The following TPST1 variants were observed in gnomAD, a reference collection of about 807,000 sequenced individuals.
The protein encoded by TPST1 is protein-tyrosine sulfotransferase 1.
A neutral mutation model predicts 34.8 loss-of-function variants in TPST1; 20 were observed. The ratio of observed to expected loss-of-function variants is 0.57; its 90% CI spans 0.40 to 0.84. The LOEUF is 0.84. Among genes scored for constraint, TPST1 ranks in the 40% least tolerant of loss-of-function variants. The probability of loss-of-function intolerance (pLI) is 0.00; values close to 1 mark genes in which losing one functional copy is unlikely to be tolerated. For missense variants in TPST1, 353 were observed against 455.5 expected (o/e 0.78, Z 2.05); for synonymous variants, 152 against 159.4 (o/e 0.95, Z 0.35).
rs147568367 is a variant in TPST1, at chr7:66,353,127, C to T, written c.1095+572C>T. Reference sequence around the variant, plus strand: ...GTCGGGAGTTCAAGACCAGCATGGCCAACATGGTGAAACCTCATCTCTACT... The same window carrying T: ...GTCGGGAGTTCAAGACCAGCATGGCTAACATGGTGAAACCTCATCTCTACT... On this transcript the variant is annotated intron_variant, in intron 4 of 5. Coordinates refer to ENST00000304842, the MANE Select transcript of TPST1 (RefSeq NM_003596.4). Among the ~76,000 whole-genome samples the T allele has an allele frequency of 5.4e-3, 820 of 152,200 alleles. 7 individuals carry two copies. Among genetic ancestry groups the T allele is most frequent in the African/African-American group, 0.018 (757 of 41,512 alleles).
intron 3 of TPST1, among the ~76,000 whole-genome samples, chr7:66,310,597 G>T (rs921589530): frequency 1.3e-5 from 2 of 152,054 alleles, no homozygotes; most frequent in African/African-American, 2.4e-5. Flanking sequence ...AGGGGTTGAG[G>T]TCCTGGTTCT....
intron 1 of TPST1, among the ~76,000 whole-genome samples, chr7:66,209,117 A>G (rs969966499): frequency 6.6e-6 from 1 of 152,108 alleles, no homozygotes; most frequent in African/African-American, 2.4e-5. Flanking sequence ...TACTAAAAAT[A>G]CAAAAATTAG....
intron 2 of TPST1, among the ~76,000 whole-genome samples, chr7:66,258,536 T>G (rs1487687868): frequency 6.6e-6 from 1 of 152,238 alleles, no homozygotes; most frequent in Non-Finnish European, 1.5e-5. Context: ...GAAGTTGTGC[T>G]GGTTCATGTG....
chr7:66,337,299 A>ATTTTTT (rs749288846), intron 3 of TPST1, among the ~76,000 whole-genome samples: 7 of 107,722 alleles, frequency 6.5e-5, no homozygotes, highest in South Asian at 3.4e-4. Context: ...TAAAAGACAA[A>ATTTTTT]TTTTTTTTTT....
At chr7:66,219,292 A>C (rs1275429034) in intron 1 of TPST1, among the ~76,000 whole-genome samples, 1 of 152,144 alleles carries the variant, frequency 6.6e-6, no homozygotes, top group African/African-American at 2.4e-5. Flanking sequence ...TAGAGGCATA[A>C]TTTCCCACAA....
chr7:66,226,030 G>T (rs1159742636), intron 1 of TPST1, among the ~76,000 whole-genome samples: 1 of 151,984 alleles, frequency 6.6e-6, no homozygotes, highest in East Asian at 1.9e-4. Context: ...GGGAATACAG[G>T]CGCCTGTCAC....
At chr7:66,215,395 G>T (rs1381688554) in intron 1 of TPST1, among the ~76,000 whole-genome samples, 1 of 149,560 alleles carries the variant, frequency 6.7e-6, no homozygotes, top group Non-Finnish European at 1.5e-5. Flanking sequence ...TATTTTTTGA[G>T]ATGCAGCCTT....
In TPST1 at chr7:66,236,605, C is replaced by G. The variant is rs374455656; in HGVS notation, c.-101-3720C>G. Among the ~76,000 whole-genome samples the G allele has an allele frequency of 1.7e-3, 256 of 152,232 alleles. 11 individuals are homozygous for G. The South Asian group carries it at 0.052, about 31-fold the overall frequency. On this transcript the variant is annotated intron_variant, in intron 1 of 5. Coordinates refer to ENST00000304842, the MANE Select transcript of TPST1 (RefSeq NM_003596.4). ...ATATTGATTGATGTCTCATGTCTCC[C>G]TAAAATGTATAAAACCAAGCTGTAT...
rs1353405738 is a variant in TPST1, at chr7:66,296,264, ACCG to A, written c.1044+9556_1044+9558del. Reference sequence around the variant, plus strand: ...CCCACCCTTCCCCCCCCCCTCCCCCACCGTCTCTGCCTATCTTTAAAGTGACAG... The same window carrying A: ...CCCACCCTTCCCCCCCCCCTCCCCCATCTCTGCCTATCTTTAAAGTGACAG... On this transcript the variant is annotated intron_variant, in intron 3 of 5. Transcript: ENST00000304842. Among the ~76,000 whole-genome samples the A allele has an allele frequency of 7.6e-3, 157 of 20,614 alleles. 4 individuals are homozygous for A. The highest frequency in any genetic ancestry group is 0.026 in the African/African-American group (146 of 5,688). 13.5% of individuals were successfully genotyped at this position (20,614 alleles called of 152,430 possible).
At chr7:66,204,495 C>G (rs1316505090), upstream of TPST1, among the ~76,000 whole-genome samples, 1 of 152,230 alleles carries the variant, frequency 6.6e-6, no homozygotes, top group Non-Finnish European at 1.5e-5. Flanking sequence ...TGATTAGAGG[C>G]ATGAGCCACC....
At chr7:66,353,465 T>A (rs1019359078) in intron 4 of TPST1, among the ~76,000 whole-genome samples, 2 of 152,212 alleles carry the variant, frequency 1.3e-5, no homozygotes, top group African/African-American at 2.4e-5. Context: ...TGAGACCCTG[T>A]CTCAAAAATA....
At chr7:66,274,388 C>A (rs144654676) in intron 2 of TPST1, among the ~76,000 whole-genome samples, 1 of 151,514 alleles carries the variant, frequency 6.6e-6, no homozygotes, top group South Asian at 2.1e-4. Context: ...AAGATCCACT[C>A]GGCCTCTCAA....
chr7:66,297,948 A>T (rs533165734), intron 3 of TPST1, among the ~76,000 whole-genome samples: 3 of 152,208 alleles, frequency 2.0e-5, no homozygotes, highest in African/African-American at 7.2e-5. Flanking sequence ...TTACTACAGG[A>T]TAGAGTCTAG....
chr7:66,284,798 C>T (rs1246093661), intron 2 of TPST1, among the ~76,000 whole-genome samples: 1 of 152,044 alleles, frequency 6.6e-6, no homozygotes, highest in Non-Finnish European at 1.5e-5. Flanking sequence ...CTCAAATAAT[C>T]CACCCACTTT....
At chr7:66,285,020 A>G (rs1276239163) in intron 2 of TPST1, among the ~76,000 whole-genome samples, 1 of 152,106 alleles carries the variant, frequency 6.6e-6, no homozygotes, top group Admixed American at 6.6e-5. Flanking sequence ...TACTTTGTTC[A>G]TATCAGTTGT....
intron 2 of TPST1, among the ~76,000 whole-genome samples, chr7:66,244,146 G>A (rs1370981637): frequency 6.6e-6 from 1 of 151,756 alleles, no homozygotes; most frequent in East Asian, 1.9e-4. Context: ...GTGGAGACAG[G>A]GTTTCGCCAT....
intron 3 of TPST1, among the ~76,000 whole-genome samples, chr7:66,328,906 ATTTTTTTTT>A (rs1172711561): frequency 1.5e-4 from 2 of 13,158 alleles, no homozygotes; most frequent in East Asian, 1.7e-3. Flanking sequence ...ATATATATAT[ATTTTTTTTT>A]TTTTTTTTTT....
intron 2 of TPST1, among the ~76,000 whole-genome samples, chr7:66,248,275 G>A (rs547824561): frequency 2.0e-5 from 3 of 151,948 alleles, no homozygotes; most frequent in Non-Finnish European, 4.4e-5. Flanking sequence ...TTTTTCAAGT[G>A]AAATCTTGTT....
chr7:66,330,042 C>T (rs1296590273), intron 3 of TPST1, among the ~76,000 whole-genome samples: 2 of 152,166 alleles, frequency 1.3e-5, no homozygotes. Flanking sequence ...TCCCAAACTT[C>T]AGCATCACAC....
Sources: gnomAD v4.1 joint callset for allele counts (sites outside exome capture counted in the v4.1 genomes callset) on GRCh38, gnomAD v4.1.1 for gene constraint, MANE v1.5 for transcripts, NCBI Gene and HGNC (gene_info 2026-07-23, HGNC 2026-07-21) for gene names.